Variants in CHST7 observed in about 807,000 individuals in gnomAD.
The protein encoded by CHST7 is N-acetylglucosamine 6-O-sulfotransferase 4.
Under a neutral mutation model 9.0 loss-of-function variants are expected in CHST7, and 5 were observed. The ratio of observed to expected loss-of-function variants is 0.56; its 90% confidence interval spans 0.29 to 1.17. The LOEUF (loss-of-function observed/expected upper bound fraction) is 1.17. Ranked by LOEUF, CHST7 falls within the 50% of genes most tolerant of loss-of-function variation. CHST7 has a pLI of 0.08. For synonymous variants in CHST7, 244 were observed against 237.1 expected (o/e 1.03, Z -0.27); for missense variants, 377 against 485.1 (o/e 0.78, Z 2.09).
chrX:46,590,215 G>A (rs1942567648), intron 1 of CHST7, among the ~76,000 whole-genome samples: 1 of 110,717 alleles, frequency 9.0e-6, no homozygotes, highest in South Asian at 3.7e-4. Flanking sequence ...AGCCACCCAA[G>A]TGAAGAGCTC....
At chrX:46,592,449 G>T (rs890132572) in intron 1 of CHST7, among the ~76,000 whole-genome samples, 1 of 112,099 alleles carries the variant, frequency 8.9e-6, no homozygotes, top group African/African-American at 3.2e-5. Context: ...CAGCTCACCC[G>T]CCTTCTGGGT....
chrX:46,578,531 G>T (rs1257690913), intron 1 of CHST7, among the ~76,000 whole-genome samples: 1 of 108,999 alleles, frequency 9.2e-6, no homozygotes, highest in Non-Finnish European at 1.9e-5. Context: ...CTCCCAAGTA[G>T]CTGGGACTAC....
At chrX:46,589,759 C>A (rs1457750456) in intron 1 of CHST7, among the ~76,000 whole-genome samples, 2 of 111,117 alleles carry the variant, frequency 1.8e-5, no homozygotes, top group Admixed American at 1.9e-4. Context: ...TAAGTCAGAA[C>A]CGGAAGATAT....
intron 1 of CHST7, among the ~76,000 whole-genome samples, chrX:46,577,364 T>C (rs1316094068): frequency 1.8e-5 from 2 of 110,725 alleles, no homozygotes; most frequent in East Asian, 2.8e-4. Context: ...TTCCAGACTT[T>C]AGTGACTGAG....
At chrX:46,577,123 C>CT (rs34822854) in intron 1 of CHST7, among the ~76,000 whole-genome samples, 4,654 of 69,060 alleles carry the variant, frequency 0.067, 158 homozygotes, top group East Asian at 0.13. Flanking sequence ...GAAACTTTTG[C>CT]TTTTTTTTTT....
In CHST7 at chrX:46,575,100, T is replaced by C; in HGVS notation, c.1169T>C (p.Leu390Pro). Residue 390 changes from leucine to proline, a missense_variant, in exon 1 of 2, where the codon CTG becomes CCG. Leu to Pro is a moderately conservative substitution (Grantham distance 98, BLOSUM62 -3). Coordinates refer to ENST00000276055, the MANE Select transcript of CHST7 (RefSeq NM_019886.4). ...RQPRAQLRRL[L>P]RFSGLRALAA... ...CCACGCGCCCAGCTGCGCCGCCTGC[T>C]GCGCTTCTCCGGGCTACGCGCGCTC... The C allele has an allele frequency of 8.9e-7, 1 of 1,118,618 alleles. No individual in the cohort carries two copies. Among genetic ancestry groups the C allele is most frequent in the Non-Finnish European group, 1.2e-6 (1 of 857,784 alleles). The allele number at this position is 1,118,618 out of a possible 1,213,427, so 92.2% of individuals were successfully genotyped here. A position where few individuals can be genotyped will look rare whatever the true frequency, so the allele number is the denominator to read the frequency against.
intron 1 of CHST7, among the ~76,000 whole-genome samples, chrX:46,581,246 A>T (rs35460619): frequency 0.043 from 3,923 of 91,125 alleles, 253 homozygotes; most frequent in African/African-American, 0.14. Flanking sequence ...AAAAAAAAAA[A>T]AAAAATAATA....
At chrX:46,585,091 G>A (rs1461492002) in intron 1 of CHST7, among the ~76,000 whole-genome samples, 1 of 110,733 alleles carries the variant, frequency 9.0e-6, no homozygotes, top group Non-Finnish European at 1.9e-5. Flanking sequence ...ACTGGCATAT[G>A]TTAAATACAC....
Position 46,598,200 on chromosome X carries a change from C to T in CHST7, c.*472C>T, listed in dbSNP as rs768134342. The T allele has an allele frequency of 7.1e-5, 8 of 112,207 alleles. No individual in the cohort carries two copies. Among genetic ancestry groups the T allele is most frequent in the Admixed American group, 2.8e-4 (3 of 10,554 alleles). 9.2% of individuals were successfully genotyped at this position (112,207 alleles called of 1,213,427 possible). ...ATTATTAAATAATAATAGGTCTGGG[C>T]AGTATTGTTTTTAACCTGACTCATC... On this transcript the variant is annotated 3_prime_UTR_variant, in exon 2 of 2. Coordinates refer to ENST00000276055, the MANE Select transcript of CHST7 (RefSeq NM_019886.4).
rs904627226 is a variant in CHST7, at chrX:46,574,181, C to G, written c.250C>G (p.Arg84Gly). Reference protein sequence around the residue: ...AEEGGANQSPRFPSNLSGAVG... With the variant: ...AEEGGANQSPGFPSNLSGAVG... Reference sequence around the variant, plus strand: ...GGAAGGGGGCGCGAACCAGTCTCCTCGGTTCCCAAGCAACCTCAGCGGCGC... The same window carrying G: ...GGAAGGGGGCGCGAACCAGTCTCCTGGGTTCCCAAGCAACCTCAGCGGCGC... Residue 84 changes from arginine to glycine, a missense_variant, in exon 1 of 2, where the codon CGG (arginine) becomes GGG (glycine). This residue lies in a region of CHST7 where 239 missense variants were observed against 325.7 expected (regional missense o/e 0.73). Coordinates refer to ENST00000276055, the MANE Select transcript of CHST7 (RefSeq NM_019886.4). The G allele has an allele frequency of 8.4e-7, 1 of 1,190,800 alleles. No individual in the cohort carries two copies.
chrX:46,590,337 G>A (rs771826523), intron 1 of CHST7, among the ~76,000 whole-genome samples: 2 of 110,400 alleles, frequency 1.8e-5, no homozygotes, highest in Non-Finnish European at 3.8e-5. Context: ...AGCACTTAGG[G>A]AAGTCAAGGC....
intron 1 of CHST7, among the ~76,000 whole-genome samples, chrX:46,590,525 C>T (rs1942568901): frequency 9.0e-6 from 1 of 111,250 alleles, no homozygotes; most frequent in Non-Finnish European, 1.9e-5. Context: ...TATGATCACG[C>T]CACTGCAGAA....
Position 46,574,490 on chromosome X carries a change from C to G in CHST7, c.559C>G (p.Leu187Val), listed in dbSNP as rs1279081801. 3.3e-6 allele frequency: 4 copies of G among 1,206,676 alleles called. No individual in the cohort carries two copies. Among genetic ancestry groups the G allele is most frequent in the Non-Finnish European group, 4.5e-6 (4 of 892,848 alleles). ...TGCGCGCGCCCCGGACACGGCCAAT[C>G]TTACCACGGCCGCCCTCTTCCGCTG... ...PAARAPDTAN[L>V]TTAALFRWRT... Residue 187 changes from leucine to valine, a missense_variant, in exon 1 of 2, where the codon CTT (leucine) becomes GTT (valine). Transcript: ENST00000276055.
rs1430106192 is a variant in CHST7, at chrX:46,584,624, G to A, written c.*31+9201G>A. ...CAGTAAGAAGCCTGAAGTCTGGCCT[G>A]AAATCCAAATGCCTAGAGCGAGTGC... On this transcript the variant is annotated intron_variant, in intron 1 of 1. Coordinates refer to ENST00000276055, the MANE Select transcript of CHST7 (RefSeq NM_019886.4). Among the ~76,000 whole-genome samples, 3 of 110,510 alleles carry A rather than the reference G, an allele frequency of 2.7e-5. No individual in the cohort carries two copies. The Admixed American group carries it at 2.9e-4, about 11-fold the overall frequency.
rs1357725037 is a variant in CHST7, at chrX:46,574,776, C to T, written c.845C>T (p.Ala282Val). ...KVVQLFRDPR[A>V]VHNSRLKSRQ... ...GTGCAGCTTTTCCGCGACCCGAGGG[C>T]GGTGCACAACTCGCGCCTCAAGTCT... The change falls in exon 1 of 2, where the codon GCG becomes GTG. Residue 282 changes from alanine to valine, a missense_variant. Physicochemically the swap from Ala to Val is moderately conservative, Grantham distance 64 (BLOSUM62 0). Around this residue, in one of 3 missense-constraint regions of CHST7, gnomAD observed 239 missense variants for 325.7 expected, o/e 0.73. Transcript: ENST00000276055. 3 of 1,203,493 alleles carry T rather than the reference C, an allele frequency of 2.5e-6. No individual in the cohort carries two copies. The highest frequency in any genetic ancestry group is 1.8e-5 in the South Asian group (1 of 55,508).
chrX:46,591,889 C>A (rs959691562), intron 1 of CHST7, among the ~76,000 whole-genome samples: 1 of 109,137 alleles, frequency 9.2e-6, no homozygotes, highest in African/African-American at 3.3e-5. Flanking sequence ...CCTGACAGGC[C>A]CCAGTATGTG....
rs771669492 is a variant in CHST7 at position 46,574,408 on chromosome X, G to C, written c.477G>C (p.Ser159=). The C allele has an allele frequency of 9.9e-6, 12 of 1,208,131 alleles. No individual in the cohort carries two copies. Among genetic ancestry groups the C allele is most frequent in the Non-Finnish European group, 1.3e-5 (12 of 895,265 alleles). ...LQGALRDMLR[S]LFRCDFSVLR... ...GCGCGCTGCGCGACATGCTGCGTTC[G>C]CTCTTCCGCTGCGACTTCTCCGTGC... Residue 159 remains serine (S), a synonymous_variant, in exon 1 of 2, where the codon TCG becomes TCC. Transcript: ENST00000276055.
At chrX:46,593,178 T>C (rs1284437584) in intron 1 of CHST7, among the ~76,000 whole-genome samples, 1 of 111,853 alleles carries the variant, frequency 8.9e-6, no homozygotes, top group Non-Finnish European at 1.9e-5. Context: ...TCTATAAATG[T>C]CAGTTCAATT....
chrX:46,587,345 C>T (rs1411213853), intron 1 of CHST7, among the ~76,000 whole-genome samples: 2 of 110,571 alleles, frequency 1.8e-5, no homozygotes, highest in Non-Finnish European at 3.8e-5. Context: ...CCCTCACTCC[C>T]CAGTCCAGAG....
Sources: allele counts gnomAD v4.1 joint callset (sites outside exome capture counted in the v4.1 genomes callset), GRCh38; gene constraint gnomAD v4.1.1; regional missense constraint gnomAD v4.1.1; transcripts MANE v1.5; gene names NCBI Gene and HGNC (gene_info 2026-07-23, HGNC 2026-07-21).